The following SLC25A41 variants were observed in gnomAD, a reference collection of about 807,000 sequenced individuals.
SLC25A41 encodes the protein mitochondrial carrier protein SCaMC-3L.
A neutral mutation model predicts 34.7 loss-of-function variants in SLC25A41; 35 were observed. That is an observed-to-expected ratio of 1.01 (90% CI 0.77 to 1.34). SLC25A41 has a LOEUF of 1.34. Ranked by LOEUF, SLC25A41 falls within the 40% of genes most tolerant of loss-of-function variation. The pLI is 0.00. For synonymous variants in SLC25A41, 190 were observed against 209.9 expected, an observed-to-expected ratio of 0.91 and a Z score of 0.82; for missense variants, 492 against 489.8, an observed-to-expected ratio of 1.00 and a Z score of -0.04.
rs2092259145 is a variant in SLC25A41 at position 6,429,043 on chromosome 19, T to TG, written c.624+680_624+681insC. On this transcript the variant is annotated intron_variant, in intron 4 of 6. Coordinates refer to ENST00000321510, the MANE Select transcript of SLC25A41 (RefSeq NM_173637.4). ...AAAATTTATATATATATATATAATA[T>TG]ATATATTATATATATGTTATATATA... Among the ~76,000 whole-genome samples the TG allele has an allele frequency of 3.7e-5, 2 of 54,356 alleles. 1 individual carries two copies. The highest frequency in any genetic ancestry group is 5.8e-5 in the Non-Finnish European group (2 of 34,390). The allele number at this position is 54,356 out of a possible 152,430, so 35.7% of individuals were successfully genotyped here.
chr19:6,428,352 G>A (rs1210991870), intron 4 of SLC25A41, among the ~76,000 whole-genome samples: 1 of 149,344 alleles, frequency 6.7e-6, no homozygotes, highest in Non-Finnish European at 1.5e-5. Flanking sequence ...TGAGCAGTGA[G>A]TCAAGATCGT....
upstream of SLC25A41, among the ~76,000 whole-genome samples, chr19:6,434,190 A>G (rs962976068): frequency 5.3e-5 from 8 of 151,964 alleles, no homozygotes; most frequent in Middle Eastern, 6.8e-3. Context: ...TGATCTGCCC[A>G]CCTCAGCCTC....
chr19:6,431,242 G>A (rs771156801), intron 2 of SLC25A41, among the ~76,000 whole-genome samples: 1 of 151,650 alleles, frequency 6.6e-6, no homozygotes, highest in Non-Finnish European at 1.5e-5. Flanking sequence ...CTCCCAAAGT[G>A]AGCCACTGCA....
chr19:6,433,414 G>C, intron 1 of SLC25A41, 73 bp downstream of exon 1: 2 of 1,461,774 alleles, frequency 1.4e-6, no homozygotes, highest in Admixed American at 3.4e-5. Flanking sequence ...GGCCTGTAGA[G>C]GGCGTGGGTA....
upstream of SLC25A41, among the ~76,000 whole-genome samples, chr19:6,434,647 G>A (rs1233647874): frequency 6.6e-6 from 1 of 152,116 alleles, no homozygotes; most frequent in Non-Finnish European, 1.5e-5. Context: ...GGTGGCTGAC[G>A]CCTGTAATCC....
At chr19:6,429,930 T>C (rs1489075305) in intron 3 of SLC25A41, 79 bp downstream of exon 3, 3 of 1,591,414 alleles carry the variant, frequency 1.9e-6, no homozygotes, top group Non-Finnish European at 2.6e-6. Context: ...GAGTGTGTGC[T>C]TGAACAAGGG....
chr19:6,434,644 G>C (rs113723990), upstream of SLC25A41, among the ~76,000 whole-genome samples: 1,180 of 152,196 alleles, frequency 7.8e-3, 16 homozygotes, highest in African/African-American at 0.027. Flanking sequence ...TGTGGTGGCT[G>C]ACGCCTGTAA....
Position 6,426,046 on chromosome 19 carries a change from A to C in SLC25A41, c.*343T>G. The C allele has an allele frequency of 4.3e-6, 1 of 234,174 alleles. No homozygotes were observed. Among genetic ancestry groups the C allele is most frequent in the Non-Finnish European group, 8.6e-6 (1 of 115,816 alleles). The allele number at this position is 234,174 out of a possible 1,614,324, so 14.5% of individuals were successfully genotyped here. ...CAAGTATCCAGACACGTTCAGCAAA[A>C]ACCATCTCTTTATTCCTTGTTGTGT... On this transcript the variant is annotated 3_prime_UTR_variant, in exon 7 of 7. Transcript: ENST00000321510.
At chr19:6,435,720 G>C (rs2092307968), upstream of SLC25A41, among the ~76,000 whole-genome samples, 1 of 152,028 alleles carries the variant, frequency 6.6e-6, no homozygotes, top group South Asian at 2.1e-4. Context: ...AGCCAGGTGT[G>C]GTCATGTGCA....
intron 4 of SLC25A41, among the ~76,000 whole-genome samples, chr19:6,428,470 T>C (rs2145136897): frequency 6.8e-6 from 1 of 147,338 alleles, no homozygotes; most frequent in Middle Eastern, 3.6e-3. Flanking sequence ...AATGAAAATA[T>C]ATATGTATAC....
At position 6,432,121 on chromosome 19, in the gene SLC25A41, G is replaced by A. The variant is rs371450983; in HGVS notation, c.291C>T (p.Leu97=). The change falls in exon 2 of 7, where the codon CTC becomes CTT. Residue 97 remains leucine, a synonymous_variant. Transcript: ENST00000321510. ...ACACCGCCCCGGCCATAGCTCCTGA[G>A]AGTAGAAACTTCCACAAGGCCTCCT... ...DNKEALWKFL[L]SGAMAGAVSR... is the part of the protein sequence containing the mutation. 3.7e-6 allele frequency: 6 copies of A among 1,613,822 alleles called. No individual in the cohort carries two copies. The highest frequency in any genetic ancestry group is 3.3e-4 in the Middle Eastern group (2 of 6,084).
rs534185235 is a variant in SLC25A41 at position 6,426,927 on chromosome 19, C to T, written c.940+176G>A. Among the ~76,000 whole-genome samples the T allele has an allele frequency of 1.2e-4, 18 of 152,252 alleles. No homozygotes were observed. The South Asian group carries it at 3.5e-3, about 30-fold the overall frequency. On this transcript the variant is annotated intron_variant, in intron 6 of 6. Transcript: ENST00000321510. ...AGCTGGGACCACAGGTCCATACTAC[C>T]ATGCCTGGCTAATTTTTATATATAT...
Position 6,433,649 on chromosome 19 carries a change from G to C in SLC25A41, c.45C>G (p.Ile15Met), listed in dbSNP as rs1353880089. 1.3e-6 allele frequency: 2 copies of C among 1,597,590 alleles called. No individual in the cohort carries two copies. Among genetic ancestry groups the C allele is most frequent in the African/African-American group, 2.7e-5 (2 of 74,660 alleles). ...PGEPQNTCSR[I>M]QTLFRRVKTL... ...TCTTGACCCTCCTAAACAGTGTCTG[G>C]ATCCTAGAGCAAGTGTTCTGAGGTT... is the stretch of plus-strand genomic sequence containing the variant. Residue 15 changes from isoleucine (I) to methionine (M), a missense_variant, in exon 1 of 7, where the codon ATC becomes ATG. Physicochemically the swap from Ile to Met is conservative, Grantham distance 10. Transcript: ENST00000321510.
In SLC25A41 at chr19:6,427,442, G is replaced by A. The variant is rs367698881; in HGVS notation, c.684C>T (p.Cys228=). The A allele has an allele frequency of 1.5e-5, 24 of 1,604,180 alleles. No homozygotes were observed. The highest frequency in any genetic ancestry group is 1.2e-4 in the Admixed American group (7 of 59,038). Residue 228 remains cysteine (C), a synonymous_variant, in exon 5 of 7, where the codon TGC becomes TGT. Transcript: ENST00000321510. The surrounding 1 kb of genome is among the most constrained non-coding windows in gnomAD (Gnocchi z 4.9). ...RTGQYKGLLD[C]ARQILQREGT... is the part of the protein sequence containing the mutation. ...CCTCTCGCTGCAAGATCTGCCTGGC[G>A]CAGTCCAGCAGCCCCTTGTACTGGC...
upstream of SLC25A41, chr19:6,436,140 A>G (rs989079809): frequency 4.7e-6 from 1 of 211,956 alleles, no homozygotes; most frequent in African/African-American, 2.3e-5. Flanking sequence ...CCCCCCCGCC[A>G]AAGGTTGGCA....
intron 1 of SLC25A41, 57 bp from the exon 2 acceptor site, chr19:6,432,261 G>C: frequency 6.3e-7 from 1 of 1,576,224 alleles, no homozygotes; most frequent in South Asian, 1.2e-5. Context: ...ACCTTCCCCA[G>C]ACACACATCT....
At chr19:6,432,254 TTCCCCAGACACACATCTAGGGCACCC>T in intron 1 of SLC25A41, 50 bp from the exon 2 acceptor site, 4 of 1,584,730 alleles carry the variant, frequency 2.5e-6, no homozygotes, top group Non-Finnish European at 3.4e-6. Flanking sequence ...TTGGGGCACC[TTCCCCAGACACACATCTAGGGCACCC>T]ACCTGGTGAA....
chr19:6,432,656 T>A (rs2092291192), intron 1 of SLC25A41, among the ~76,000 whole-genome samples: 1 of 151,226 alleles, frequency 6.6e-6, no homozygotes, highest in African/African-American at 2.4e-5. Flanking sequence ...AGTGGTGCGA[T>A]CTTGGCTCAC....
chr19:6,434,401 C>G (rs929949898), upstream of SLC25A41, among the ~76,000 whole-genome samples: 3 of 152,190 alleles, frequency 2.0e-5, no homozygotes, highest in Non-Finnish European at 4.4e-5. Context: ...CTTTCTCTCT[C>G]TCTGTCTGCC....
Sources: allele counts gnomAD v4.1 joint callset (sites outside exome capture counted in the v4.1 genomes callset), GRCh38; gene constraint gnomAD v4.1.1; non-coding constraint Gnocchi (gnomAD v3.1); transcripts MANE v1.5; gene names NCBI Gene and HGNC (gene_info 2026-07-23, HGNC 2026-07-21).